The following TAF3 variants were observed in gnomAD, a reference collection of about 807,000 sequenced individuals.
TAF3 encodes transcription initiation factor TFIID subunit 3.
A neutral mutation model predicts 80.6 loss-of-function variants in TAF3; 7 were observed. That is an observed-to-expected ratio of 0.09 (90% confidence interval 0.05 to 0.16). TAF3 has a LOEUF of 0.16. Ranked by LOEUF, TAF3 falls within the 10% of genes least tolerant of loss-of-function variation. The probability of loss-of-function intolerance (pLI) is 1.00; values close to 1 mark genes in which losing one functional copy is unlikely to be tolerated. For synonymous variants in TAF3, 444 were observed against 446.1 expected (o/e 1.00, Z 0.06); for missense variants, 921 against 1,140.2 (o/e 0.81, Z 2.77).
At chr10:7,950,363 C>T (rs1481708579) in intron 2 of TAF3, among the ~76,000 whole-genome samples, 1 of 151,832 alleles carries the variant, frequency 6.6e-6, no homozygotes, top group African/African-American at 2.4e-5. Context: ...GACCTTGGCA[C>T]CTTCCAGAAG....
At chr10:7,918,728 T>C (rs1018702210) in intron 2 of TAF3, among the ~76,000 whole-genome samples, 2 of 152,206 alleles carry the variant, frequency 1.3e-5, no homozygotes, top group Non-Finnish European at 2.9e-5. Flanking sequence ...GTAGACCGTA[T>C]CTCTGCCATA....
At chr10:7,985,452 T>A (rs1388671234) in intron 4 of TAF3, among the ~76,000 whole-genome samples, 1 of 152,216 alleles carries the variant, frequency 6.6e-6, no homozygotes, top group African/African-American at 2.4e-5. Context: ...CTCCTCACCT[T>A]CATCAAGCCT....
At chr10:7,831,466 C>T (rs1317853826) in intron 2 of TAF3, among the ~76,000 whole-genome samples, 1 of 152,162 alleles carries the variant, frequency 6.6e-6, no homozygotes, top group African/African-American at 2.4e-5. Flanking sequence ...CTGCCTCAGC[C>T]TCTCCAGTAG....
intron 2 of TAF3, among the ~76,000 whole-genome samples, chr10:7,904,616 G>A (rs773746346): frequency 5.3e-5 from 8 of 152,290 alleles, no homozygotes; most frequent in Non-Finnish European, 1.0e-4. Context: ...TTGCTGATAC[G>A]TAGATAGTAG....
At chr10:8,008,292 T>A (rs1832016821) in intron 4 of TAF3, among the ~76,000 whole-genome samples, 1 of 151,992 alleles carries the variant, frequency 6.6e-6, no homozygotes, top group Non-Finnish European at 1.5e-5. Flanking sequence ...AGAGACGGTG[T>A]TTCACCATGT....
At chr10:7,972,941 T>C (rs1220665345) in intron 3 of TAF3, among the ~76,000 whole-genome samples, 2 of 152,192 alleles carry the variant, frequency 1.3e-5, no homozygotes, top group African/African-American at 4.8e-5. Context: ...AATAGCTCCA[T>C]GTAAGCCATC....
At chr10:7,860,674 A>G (rs1420302777) in intron 2 of TAF3, among the ~76,000 whole-genome samples, 1 of 152,318 alleles carries the variant, frequency 6.6e-6, no homozygotes, top group East Asian at 1.9e-4. Context: ...TTAAATTTTT[A>G]TATCATTCTG....
At chr10:7,899,228 C>T (rs533061815) in intron 2 of TAF3, among the ~76,000 whole-genome samples, 2 of 152,268 alleles carry the variant, frequency 1.3e-5, no homozygotes, top group South Asian at 4.2e-4. Flanking sequence ...CGATCTGGAG[C>T]CGTTCTCATT....
rs549203322 is a variant in TAF3, at chr10:7,823,834, C to T, written c.167-484C>T. ...ATTTTTAGTAGAGACGGGGTTTCAC[C>T]GTGTTGACCAGGTTGGTCTCGAACC... On this transcript the variant is annotated intron_variant, in intron 1 of 6. Coordinates refer to ENST00000344293, the MANE Select transcript of TAF3 (RefSeq NM_031923.4). Among the ~76,000 whole-genome samples, 10 of 151,916 alleles carry T rather than the reference C, an allele frequency of 6.6e-5. No homozygotes were observed. The South Asian group carries it at 1.9e-3, about 28-fold the overall frequency.
At chr10:7,843,207 A>G (rs973421650) in intron 2 of TAF3, among the ~76,000 whole-genome samples, 4 of 151,988 alleles carry the variant, frequency 2.6e-5, no homozygotes, top group Non-Finnish European at 4.4e-5. Flanking sequence ...TCCCAGACTC[A>G]AGCAATCCTC....
intron 4 of TAF3, among the ~76,000 whole-genome samples, chr10:7,986,525 G>T (rs908778569): frequency 1.3e-5 from 2 of 152,188 alleles, no homozygotes; most frequent in Admixed American, 6.5e-5. Flanking sequence ...GTCAGACTGG[G>T]TGTCCTGAAA....
intron 2 of TAF3, among the ~76,000 whole-genome samples, chr10:7,828,903 G>GCGTA (rs1389696000): frequency 6.6e-6 from 1 of 150,600 alleles, no homozygotes; most frequent in Non-Finnish European, 1.5e-5. Context: ...GTGTGGTGGT[G>GCGTA]CCTGTAGTCC....
intron 2 of TAF3, among the ~76,000 whole-genome samples, chr10:7,833,420 A>T (rs1836821382): frequency 6.6e-6 from 1 of 151,822 alleles, no homozygotes. Flanking sequence ...GTAATATCTC[A>T]CTGTGGTTTT....
At position 7,911,150 on chromosome 10, in the gene TAF3, A is replaced by C. The variant is rs372519186; in HGVS notation, c.410-52770A>C. On this transcript the variant is annotated intron_variant, in intron 2 of 6. Transcript: ENST00000344293. ...CTAGATCTTTTAAAGAAGGTGCTTT[A>C]AGAAAAAAGTGGTGTTAATTATTGA... Among the ~76,000 whole-genome samples, 449 of 152,358 alleles carry C rather than the reference A, an allele frequency of 2.9e-3. 3 individuals are homozygous for C. Among genetic ancestry groups the C allele is most frequent in the African/African-American group, 9.8e-3 (407 of 41,592 alleles).
At chr10:7,876,453 G>A (rs1321828246) in intron 2 of TAF3, among the ~76,000 whole-genome samples, 1 of 152,140 alleles carries the variant, frequency 6.6e-6, no homozygotes, top group Non-Finnish European at 1.5e-5. Context: ...TTTTCTAAAA[G>A]TTTTCTTGTT....
At chr10:7,951,063 T>G (rs895843636) in intron 2 of TAF3, among the ~76,000 whole-genome samples, 1 of 152,240 alleles carries the variant, frequency 6.6e-6, no homozygotes, top group Non-Finnish European at 1.5e-5. Flanking sequence ...AACAAGGGTA[T>G]GCATCGATTA....
At chr10:7,849,971 A>G (rs1000872321) in intron 2 of TAF3, among the ~76,000 whole-genome samples, 1 of 152,114 alleles carries the variant, frequency 6.6e-6, no homozygotes, top group African/African-American at 2.4e-5. Flanking sequence ...GTGAGCCACC[A>G]TGCCTGGCCT....
rs1836662456 is a variant in TAF3, at chr10:7,819,071, TCCGCTAACTTC to T, written c.166+201_166+211del. ...TCATCCTTCGGGTGCCTCTTCCTTA[TCCGCTAACTTC>T]CCGCCACCAGCCCGGGAGTCGGGTC... On this transcript the variant is annotated intron_variant, in intron 1 of 6. Transcript: ENST00000344293. 2.0e-5 allele frequency among the ~76,000 whole-genome samples: 3 copies of T among 151,966 alleles called. No homozygotes were observed. In the South Asian group the frequency reaches 6.2e-4, roughly 32 times the overall value.
chr10:8,012,136 C>T (rs1348162243), intron 5 of TAF3, among the ~76,000 whole-genome samples: 2 of 152,094 alleles, frequency 1.3e-5, no homozygotes, highest in Admixed American at 1.3e-4. Context: ...CATGATCACA[C>T]CACTGCACTC....
Sources: allele counts gnomAD v4.1 joint callset (sites outside exome capture counted in the v4.1 genomes callset), GRCh38; gene constraint gnomAD v4.1.1; transcripts MANE v1.5; gene names NCBI Gene and HGNC (gene_info 2026-07-23, HGNC 2026-07-21).